PPP6R1: variants seen among roughly 807,000 people sequenced by gnomAD.
PPP6R1 encodes the protein serine/threonine-protein phosphatase 6 regulatory subunit 1.
Under a neutral mutation model 104.6 loss-of-function variants are expected in PPP6R1, and 39 were observed. That is an observed-to-expected ratio of 0.37 (90% CI 0.29 to 0.49). PPP6R1 has a LOEUF of 0.49. PPP6R1 is among the 20% of genes least tolerant of loss of function. The pLI is 0.98. For synonymous variants in PPP6R1, 549 were observed against 479.0 expected, an observed-to-expected ratio of 1.15 and a Z score of -1.91; for missense variants, 1,181 against 1,155.8, an observed-to-expected ratio of 1.02 and a Z score of -0.32.
At position 55,230,739 on chromosome 19, in the gene PPP6R1, C is replaced by T. The variant is rs183088538; in HGVS notation, c.2570+35G>A. The T allele has an allele frequency of 4.5e-5, 65 of 1,457,436 alleles. No individual in the cohort carries two copies. In the East Asian group the frequency reaches 1.5e-3, roughly 34 times the overall value. The allele number at this position is 1,457,436 out of a possible 1,614,324, so 90.3% of individuals were successfully genotyped here. On this transcript the variant is annotated intron_variant, in intron 22 of 23. Coordinates refer to ENST00000412770, the MANE Select transcript of PPP6R1 (RefSeq NM_014931.4). Reference sequence around the variant, plus strand: ...GTCACTTCCTGCCCCACCAGCCCCACCCCCACCCCCCCGCCCTGCTGCCCT... The same window carrying T: ...GTCACTTCCTGCCCCACCAGCCCCATCCCCACCCCCCCGCCCTGCTGCCCT...
At chr19:55,228,538 C>A, downstream of PPP6R1, 1 of 1,546,914 alleles carries the variant, frequency 6.5e-7, no homozygotes. Flanking sequence ...GGGACCCCAG[C>A]TGTACAGGCT....
In PPP6R1 at chr19:55,230,798, G is replaced by T; in HGVS notation, c.2546C>A (p.Pro849His). The T allele has an allele frequency of 6.6e-7, 1 of 1,524,176 alleles. No homozygotes were observed. 94.4% of individuals were successfully genotyped at this position (1,524,176 alleles called of 1,614,324 possible). A position where few individuals can be genotyped will look rare whatever the true frequency, so the allele number is the denominator to read the frequency against. ...CCTCTGGCTTTGGGGAAGCCCCAAG[G>T]GCTCTGGGCTCTTCTCCCCTTCTGT... ...QTTEGEKSPE[P>H]LGLPQSQSAQ... The change falls in exon 22 of 24, where the codon CCC becomes CAC. Residue 849 changes from proline to histidine, a missense_variant. Physicochemically the swap from Pro to His is moderately conservative, Grantham distance 77. Coordinates refer to ENST00000412770, the MANE Select transcript of PPP6R1 (RefSeq NM_014931.4).
rs576780369 is a variant in PPP6R1 at position 55,257,503 on chromosome 19, C to G, written c.-7+932G>C. Among the ~76,000 whole-genome samples the G allele has an allele frequency of 5.3e-5, 8 of 152,326 alleles. No homozygotes were observed. The South Asian group carries it at 1.7e-3, about 32-fold the overall frequency. ...CCGGGCGGAACTACTCTGCCCCTCA[C>G]CCTCCCAATACATCTGCACTCAGGA... On this transcript the variant is annotated intron_variant, in intron 1 of 23. Coordinates refer to ENST00000412770, the MANE Select transcript of PPP6R1 (RefSeq NM_014931.4).
chr19:55,233,569 C>G (rs1045275350), intron 17 of PPP6R1, among the ~76,000 whole-genome samples: 1 of 152,176 alleles, frequency 6.6e-6, no homozygotes, highest in Non-Finnish European at 1.5e-5. Flanking sequence ...CTAAAACTAT[C>G]AGAACTCATA....
chr19:55,233,975 C>T (rs1051734908), intron 17 of PPP6R1, among the ~76,000 whole-genome samples: 15 of 152,264 alleles, frequency 9.9e-5, no homozygotes, highest in Admixed American at 5.9e-4. Flanking sequence ...GATGGAGTTT[C>T]GTTCTTGTCA....
chr19:55,256,695 A>G (rs1325690515), intron 1 of PPP6R1, among the ~76,000 whole-genome samples: 1 of 152,206 alleles, frequency 6.6e-6, no homozygotes, highest in Non-Finnish European at 1.5e-5. Flanking sequence ...TGGTACAAAA[A>G]CACAAAAATT....
chr19:55,245,451 C>CTGG lies in PPP6R1; in HGVS notation c.414+40_414+41insCCA, dbSNP rs777632077. On this transcript the variant is annotated intron_variant, in intron 3 of 23. Coordinates refer to ENST00000412770, the MANE Select transcript of PPP6R1 (RefSeq NM_014931.4). This position sits in a 1 kb window ranked among gnomAD's most constrained non-coding sequence, Gnocchi z 6.4. The stretch of plus-strand genomic sequence containing the variant: ...TGCACAGGGCCTGGCCCAGCCACCA[C>CTGG]CCCTCAACCCACGGTGGCGCCAGGG... 1.7e-5 allele frequency: 28 copies of CTGG among 1,611,548 alleles called. No homozygotes were observed. In the South Asian group the frequency reaches 3.0e-4, roughly 17 times the overall value.
intron 5 of PPP6R1, among the ~76,000 whole-genome samples, chr19:55,243,404 C>CAAAAAAAAAA (rs58375899): frequency 1.8e-4 from 9 of 49,132 alleles, no homozygotes; most frequent in African/African-American, 2.1e-4. Context: ...GACTCCATCT[C>CAAAAAAAAAA]AAAAAAAAAA....
chr19:55,231,033 C>T (rs2087340056), intron 21 of PPP6R1, 149 bp from the exon 22 acceptor site: 1 of 698,332 alleles, frequency 1.4e-6, no homozygotes, highest in African/African-American at 1.8e-5. Context: ...GCAGCTGGCT[C>T]AGCGTGGAGG....
Position 55,241,103 on chromosome 19 carries a change from A to G in PPP6R1, c.1162-24T>C, listed in dbSNP as rs1205525956. 6.5e-7 allele frequency: 1 copy of G among 1,547,080 alleles called. No individual in the cohort carries two copies. The highest frequency in any genetic ancestry group is 1.4e-5 in the African/African-American group (1 of 72,838). ...TCCTATGGGAGGACACAGGATTGGT[A>G]CCAGAGAGGCCCCGCCCCAGCCGAG... On this transcript the variant is annotated intron_variant, in intron 9 of 23. Coordinates refer to ENST00000412770, the MANE Select transcript of PPP6R1 (RefSeq NM_014931.4). This position sits in a 1 kb window ranked among gnomAD's most constrained non-coding sequence, Gnocchi z 5.4.
rs1349963744 is a variant in PPP6R1, at chr19:55,241,359, C to T, written c.1041G>A (p.Leu347=). The change falls in exon 9 of 24, where the codon CTG becomes CTA. Residue 347 remains leucine, a synonymous_variant. Transcript: ENST00000412770. This position sits in a 1 kb window ranked among gnomAD's most constrained non-coding sequence, Gnocchi z 5.4. ...LEPLQMTWGM[L]APPLGNTRLH... ...GCCGCGTGTTGCCCAGAGGCGGAGCCAGCATGCCCCATGTCATCTGTAGCG... is the reference window on the plus strand; with the variant it reads ...GCCGCGTGTTGCCCAGAGGCGGAGCTAGCATGCCCCATGTCATCTGTAGCG... 1 of 1,611,436 alleles carries T rather than the reference C, an allele frequency of 6.2e-7. No homozygotes were observed. The highest frequency in any genetic ancestry group is 1.7e-5 in the Admixed American group (1 of 59,970).
intron 5 of PPP6R1, 34 bp from the exon 6 acceptor site, chr19:55,242,522 C>A: frequency 6.4e-7 from 1 of 1,558,384 alleles, no homozygotes; most frequent in South Asian, 1.1e-5. Flanking sequence ...GGATCCTGGT[C>A]GGGCCACCGG....
chr19:55,239,781 G>T, intron 13 of PPP6R1, 45 bp downstream of exon 13: 1 of 1,602,166 alleles, frequency 6.2e-7, no homozygotes. Context: ...TGGCCCAAGA[G>T]AGAGAAGCAG....
At chr19:55,254,174 C>A (rs1191704513) in intron 1 of PPP6R1, among the ~76,000 whole-genome samples, 1 of 152,228 alleles carries the variant, frequency 6.6e-6, no homozygotes, top group Non-Finnish European at 1.5e-5. Context: ...CTACGGCAGG[C>A]GCCATGCACC....
chr19:55,239,700 G>A lies in PPP6R1; in HGVS notation c.1564-17C>T. 1.9e-6 allele frequency: 3 copies of A among 1,603,842 alleles called. No individual in the cohort carries two copies. Among genetic ancestry groups the A allele is most frequent in the Non-Finnish European group, 1.7e-6 (2 of 1,173,654 alleles). ...GGTGTTCACCTGGGGAGAGGAGGGG[G>A]CGTCAGGGCCTGCTGGAGCCCCCAG... is the stretch of plus-strand genomic sequence containing the variant. On this transcript the variant is annotated splice_polypyrimidine_tract_variant and intron_variant, in intron 13 of 23. Coordinates refer to ENST00000412770, the MANE Select transcript of PPP6R1 (RefSeq NM_014931.4).
chr19:55,232,017 A>C (rs1191485321), intron 18 of PPP6R1, 35 bp from the exon 19 acceptor site: 1 of 1,609,230 alleles, frequency 6.2e-7, no homozygotes, highest in African/African-American at 1.3e-5. Flanking sequence ...ATGGAGGGTG[A>C]ACTCAGTAGC....
At chr19:55,240,542 C>T (rs2122609675) in intron 10 of PPP6R1, among the ~76,000 whole-genome samples, 1 of 151,908 alleles carries the variant, frequency 6.6e-6, no homozygotes, top group Admixed American at 6.5e-5. Context: ...CACACACACA[C>T]ACACACACAC....
Position 55,232,081 on chromosome 19 carries a change from G to C in PPP6R1, c.2119C>G (p.Pro707Ala). 1 of 1,611,558 alleles carries C rather than the reference G, an allele frequency of 6.2e-7. No individual in the cohort carries two copies. Among genetic ancestry groups the C allele is most frequent in the African/African-American group, 1.3e-5 (1 of 75,022 alleles). Reference sequence around the variant, plus strand: ...ACACCGCCCATTCATTCACCTGGAGGCTGAGGGCCAGGGCTGGGGTAGGAC... The same window carrying C: ...ACACCGCCCATTCATTCACCTGGAGCCTGAGGGCCAGGGCTGGGGTAGGAC... Reference protein sequence around the residue: ...PLSYPSPGPQPPGPSWTATFD... With the variant: ...PLSYPSPGPQAPGPSWTATFD... The change falls in exon 18 of 24, where the codon CCT becomes GCT. Residue 707 changes from proline (P) to alanine (A), a missense_variant. Physicochemically the swap from Pro to Ala is conservative, Grantham distance 27. Transcript: ENST00000412770.
downstream of PPP6R1, chr19:55,228,875 AT>A: frequency 1.1e-6 from 1 of 905,966 alleles, no homozygotes; most frequent in Non-Finnish European, 1.7e-6. Flanking sequence ...GCCCAGGGAG[AT>A]GTTGTCCTCA....
Sources: allele counts gnomAD v4.1 joint callset (sites outside exome capture counted in the v4.1 genomes callset), GRCh38; gene constraint gnomAD v4.1.1; non-coding constraint Gnocchi (gnomAD v3.1); transcripts MANE v1.5; gene names NCBI Gene and HGNC (gene_info 2026-07-23, HGNC 2026-07-21).